BRAT1: variants seen among roughly 807,000 people sequenced by gnomAD.
BRAT1 encodes the protein integrator complex assembly factor BRAT1.
A neutral mutation model predicts 70.6 loss-of-function variants in BRAT1; 74 were observed. The ratio of observed to expected loss-of-function variants is 1.05; its 90% CI spans 0.87 to 1.27. The LOEUF (loss-of-function observed/expected upper bound fraction) is 1.27. Ranked by LOEUF, BRAT1 falls within the 50% of genes most tolerant of loss-of-function variation. The pLI, the probability that BRAT1 is intolerant of heterozygous loss-of-function variation, is 0.00. For synonymous variants in BRAT1, 615 were observed against 517.1 expected (o/e 1.19, Z -2.57); for missense variants, 1,203 against 1,098.2 (o/e 1.10, Z -1.35).
chr7:2,543,744 C>A lies in BRAT1; in HGVS notation c.649G>T (p.Ala217Ser). 1 of 1,602,466 alleles carries A rather than the reference C, an allele frequency of 6.2e-7. No homozygotes were observed. The highest frequency in any genetic ancestry group is 8.5e-7 in the Non-Finnish European group (1 of 1,171,864). ...CSAATPKVTQ[A>S]LNVLTTTFGR... ...AAGGTCGTGGTCAGGACGTTCAGGG[C>A]CTGAGTGACCTTGGGGGTGGCCGCG... The change falls in exon 5 of 14, where the codon GCC becomes TCC. Residue 217 changes from alanine (A) to serine (S), a missense_variant. Physicochemically the swap from Ala to Ser is moderately conservative, Grantham distance 99. Transcript: ENST00000340611. This position sits in a 1 kb window ranked among gnomAD's most constrained non-coding sequence, Gnocchi z 5.5.
rs1338630763 is a variant in BRAT1, at chr7:2,543,224, C to T, written c.903G>A (p.Gly301=). The part of the protein sequence containing the change: ...GPTHMGPLAL[G]ILKLEHCPQA... ...CATACCAGTGCTCGAGCTTCAGGATCCCCAAAGCCAGGGGTCCCATGTGGG... is the reference window on the plus strand; with the variant it reads ...CATACCAGTGCTCGAGCTTCAGGATTCCCAAAGCCAGGGGTCCCATGTGGG... Residue 301 remains glycine (G), a synonymous_variant, in exon 6 of 14, where the codon GGG becomes GGA. Coordinates refer to ENST00000340611, the MANE Select transcript of BRAT1 (RefSeq NM_152743.4). This position sits in a 1 kb window ranked among gnomAD's most constrained non-coding sequence, Gnocchi z 5.5. 5.0e-6 allele frequency: 8 copies of T among 1,608,132 alleles called. No homozygotes were observed. Among genetic ancestry groups the T allele is most frequent in the African/African-American group, 1.3e-5 (1 of 74,566 alleles).
At chr7:2,538,894 T>C in intron 13 of BRAT1, 130 bp from the exon 14 acceptor site, 1 of 1,489,728 alleles carries the variant, frequency 6.7e-7, no homozygotes, top group Non-Finnish European at 8.9e-7. Flanking sequence ...CTCTGACACC[T>C]TCCCATGCTG....
Position 2,543,108 on chromosome 7 carries a change from C to T in BRAT1, c.923+96G>A. The T allele has an allele frequency of 7.0e-7, 1 of 1,434,952 alleles. No individual in the cohort carries two copies. Among genetic ancestry groups the T allele is most frequent in the East Asian group, 2.6e-5 (1 of 38,120 alleles). The allele number at this position is 1,434,952 out of a possible 1,614,324, so 88.9% of individuals were successfully genotyped here. On this transcript the variant is annotated intron_variant, in intron 6 of 13. Coordinates refer to ENST00000340611, the MANE Select transcript of BRAT1 (RefSeq NM_152743.4). The surrounding 1 kb of genome is among the most constrained non-coding windows in gnomAD (Gnocchi z 5.5). ...ACGGCCGCCTGACTGTCCCTGGTGT[C>T]CGGAACTCCCCTGCCATGAGGGCTG...
rs760731936 is a variant in BRAT1 at position 2,538,717 on chromosome 7, G to A, written c.1818C>T (p.Gly606=). ...CTTGCATGACCGCCCGCCGTGGGAA[G>A]CCCTCCGAGTCTACGGAGAGGATGT... ...LLHILSVDSE[G]FPRRAVMQVF... The change falls in exon 14 of 14, where the codon GGC becomes GGT. Residue 606 remains glycine, a synonymous_variant. Coordinates refer to ENST00000340611, the MANE Select transcript of BRAT1 (RefSeq NM_152743.4). The A allele has an allele frequency of 6.3e-6, 10 of 1,598,446 alleles. No individual in the cohort carries two copies. Among genetic ancestry groups the A allele is most frequent in the East Asian group, 2.2e-5 (1 of 44,858 alleles).
intron 10 of BRAT1, chr7:2,540,287 A>C (rs1289448928): frequency 5.8e-6 from 1 of 171,554 alleles, no homozygotes; most frequent in African/African-American, 2.4e-5. Flanking sequence ...GGCTGGCCTC[A>C]AAAGTCCTGG....
At position 2,543,655 on chromosome 7, in the gene BRAT1, A is replaced by C; in HGVS notation, c.738T>G (p.Cys246Trp). ...LWVRLSPRVA[C>W]LLERDPIPAA... ...CGGGGATGGGGTCTCTCTCCAGCAG[A>C]CAGGCCACGCGGGGACTCAGCCGCA... Residue 246 changes from cysteine (C) to tryptophan (W), a missense_variant, in exon 5 of 14, where the codon TGT becomes TGG. Coordinates refer to ENST00000340611, the MANE Select transcript of BRAT1 (RefSeq NM_152743.4). This position sits in a 1 kb window ranked among gnomAD's most constrained non-coding sequence, Gnocchi z 5.5. The C allele has an allele frequency of 1.9e-6, 3 of 1,552,482 alleles. No homozygotes were observed. Among genetic ancestry groups the C allele is most frequent in the Non-Finnish European group, 2.6e-6 (3 of 1,144,084 alleles).
chr7:2,544,291 C>G, intron 4 of BRAT1: 1 of 204,350 alleles, frequency 4.9e-6, no homozygotes, highest in Non-Finnish European at 9.2e-6. Flanking sequence ...CAACTTCCAC[C>G]TCCCAGGTTC....
At position 2,543,489 on chromosome 7, in the gene BRAT1, G is replaced by A; in HGVS notation, c.803+101C>T. On this transcript the variant is annotated intron_variant, in intron 5 of 13. Transcript: ENST00000340611. This position sits in a 1 kb window ranked among gnomAD's most constrained non-coding sequence, Gnocchi z 5.5. Reference sequence around the variant, plus strand: ...CCGGTGCCGCTTCACTGCAGGCCATGTCCTCAGAGAGTCTCCGGCTGCCAG... The same window carrying A: ...CCGGTGCCGCTTCACTGCAGGCCATATCCTCAGAGAGTCTCCGGCTGCCAG... 6.7e-7 allele frequency: 1 copy of A among 1,482,706 alleles called. No homozygotes were observed. Among genetic ancestry groups the A allele is most frequent in the Non-Finnish European group, 8.9e-7 (1 of 1,119,744 alleles). 91.8% of individuals were successfully genotyped at this position (1,482,706 alleles called of 1,614,324 possible). A position where few individuals can be genotyped will look rare whatever the true frequency, so the allele number is the denominator to read the frequency against.
chr7:2,547,052 G>A (rs1370763355), intron 3 of BRAT1, among the ~76,000 whole-genome samples: 1 of 106,486 alleles, frequency 9.4e-6, no homozygotes, highest in Non-Finnish European at 1.9e-5. Context: ...GCGGCCGTGG[G>A]CAAGCTCAGA....
At position 2,544,898 on chromosome 7, in the gene BRAT1, G is replaced by C; in HGVS notation, c.430+11C>G. ...AGGATGAGGAATGGGGTGGGGTGTGGGCGCACTCACCATGGTCGGCCAGGA... is the reference window on the plus strand; with the variant it reads ...AGGATGAGGAATGGGGTGGGGTGTGCGCGCACTCACCATGGTCGGCCAGGA... On this transcript the variant is annotated intron_variant, in intron 4 of 13. Coordinates refer to ENST00000340611, the MANE Select transcript of BRAT1 (RefSeq NM_152743.4). 6.5e-7 allele frequency: 1 copy of C among 1,548,886 alleles called. No individual in the cohort carries two copies. The highest frequency in any genetic ancestry group is 8.7e-7 in the Non-Finnish European group (1 of 1,146,594).
At chr7:2,549,333 T>C (rs1779832183) in intron 2 of BRAT1, among the ~76,000 whole-genome samples, 1 of 150,852 alleles carries the variant, frequency 6.6e-6, no homozygotes, top group Non-Finnish European at 1.5e-5. Flanking sequence ...AAAAATTCGC[T>C]GGGCATGGTG....
Position 2,551,173 on chromosome 7 carries a change from G to A in BRAT1, c.127+3132C>T, listed in dbSNP as rs544946114. Among the ~76,000 whole-genome samples, 8 of 151,644 alleles carry A rather than the reference G, an allele frequency of 5.3e-5. No homozygotes were observed. The South Asian group carries it at 1.3e-3, about 24-fold the overall frequency. ...GAGAATCGTTTGAAACCCAGGAGGC[G>A]GAGGTTGCAGTGAGCCAAGATTGTG... is the stretch of plus-strand genomic sequence containing the variant. On this transcript the variant is annotated intron_variant, in intron 2 of 13. Coordinates refer to ENST00000340611, the MANE Select transcript of BRAT1 (RefSeq NM_152743.4).
chr7:2,542,162 C>G lies in BRAT1; in HGVS notation c.973G>C (p.Ala325Pro), dbSNP rs1192103403. ...QAFQVLLQPLACVLKATVQAP... is the reference protein window; with the variant it reads ...QAFQVLLQPLPCVLKATVQAP... Reference sequence around the variant, plus strand: ...TGAACCGTGGCCTTCAGGACACAGGCCAGGGGCTGGAGAAGGACCTGGAAG... The same window carrying G: ...TGAACCGTGGCCTTCAGGACACAGGGCAGGGGCTGGAGAAGGACCTGGAAG... The change falls in exon 7 of 14, where the codon GCC becomes CCC. Residue 325 changes from alanine to proline, a missense_variant. By Grantham distance (27) the Ala-to-Pro change is conservative. Coordinates refer to ENST00000340611, the MANE Select transcript of BRAT1 (RefSeq NM_152743.4). 6.4e-7 allele frequency: 1 copy of G among 1,572,910 alleles called. No homozygotes were observed. Among genetic ancestry groups the G allele is most frequent in the Admixed American group, 1.8e-5 (1 of 54,072 alleles).
chr7:2,544,000 G>A lies in BRAT1; in HGVS notation c.431-38C>T. The A allele has an allele frequency of 6.7e-7, 1 of 1,500,754 alleles. No homozygotes were observed. The highest frequency in any genetic ancestry group is 9.0e-7 in the Non-Finnish European group (1 of 1,116,870). 93.0% of individuals were successfully genotyped at this position (1,500,754 alleles called of 1,614,324 possible). A position where few individuals can be genotyped will look rare whatever the true frequency, so the allele number is the denominator to read the frequency against. ...TGGGGGAAGAGAGGGAAAAGGGGGT[G>A]AGCCAGAATAGAGCTGGGGGAGGCA... On this transcript the variant is annotated intron_variant, in intron 4 of 13. Transcript: ENST00000340611. The surrounding 1 kb of genome is among the most constrained non-coding windows in gnomAD (Gnocchi z 5.5).
At chr7:2,548,528 T>C (rs893922912) in intron 2 of BRAT1, among the ~76,000 whole-genome samples, 1 of 152,028 alleles carries the variant, frequency 6.6e-6, no homozygotes, top group Non-Finnish European at 1.5e-5. Flanking sequence ...TAGCCCGGCA[T>C]GGTGGCACAC....
At chr7:2,552,916 T>G (rs1297432520) in intron 2 of BRAT1, among the ~76,000 whole-genome samples, 1 of 151,682 alleles carries the variant, frequency 6.6e-6, no homozygotes, top group Non-Finnish European at 1.5e-5. Context: ...TTTTTTTTTT[T>G]TGTATTTTTA....
chr7:2,539,389 G>T, intron 12 of BRAT1, 38 bp from the exon 13 acceptor site: 2 of 1,576,252 alleles, frequency 1.3e-6, no homozygotes, highest in Non-Finnish European at 1.7e-6. Context: ...TGTGACTGAG[G>T]GCCGAGCCTT....
chr7:2,539,648 G>A lies in BRAT1; in HGVS notation c.1499-6C>T, dbSNP rs1778988566. ...CTGCAGCACAGGGAACAGCTCTAGG[G>A]TGGGAAGGGACAGGTCAGGGTGACC... is the stretch of plus-strand genomic sequence containing the variant. On this transcript the variant is annotated splice_polypyrimidine_tract_variant and splice_region_variant and intron_variant, in intron 11 of 13. Coordinates refer to ENST00000340611, the MANE Select transcript of BRAT1 (RefSeq NM_152743.4). 5 of 1,588,736 alleles carry A rather than the reference G, an allele frequency of 3.1e-6. No homozygotes were observed. The highest frequency in any genetic ancestry group is 4.3e-6 in the Non-Finnish European group (5 of 1,166,692).
chr7:2,552,103 TA>T (rs1338438545), intron 2 of BRAT1, among the ~76,000 whole-genome samples: 464 of 21,182 alleles, frequency 0.022, 12 homozygotes, highest in African/African-American at 0.039. Context: ...TATATATATA[TA>T]TATTTTTTTT....
Sources: gnomAD v4.1 joint callset for allele counts (sites outside exome capture counted in the v4.1 genomes callset) on GRCh38, gnomAD v4.1.1 for gene constraint, Gnocchi (gnomAD v3.1) non-coding constraint, MANE v1.5 for transcripts, NCBI Gene and HGNC (gene_info 2026-07-23, HGNC 2026-07-21) for gene names.